The following ZNF17 variants were observed in gnomAD, a reference collection of about 807,000 sequenced individuals.
ZNF17 encodes zinc finger protein 17, also known as zinc finger protein 17 (HPF3, KOX 10).
In ZNF17, 4 loss-of-function variants were observed where a neutral mutation model predicts 7.7. The observed-to-expected ratio is 0.52, with a 90% CI of 0.26 to 1.20. The LOEUF (loss-of-function observed/expected upper bound fraction) is 1.20, where lower values mean the gene tolerates loss of function less well. Among genes scored for constraint, ZNF17 ranks in the 50% most tolerant of loss-of-function variants. The pLI is 0.14. For missense variants in ZNF17, 738 were observed against 799.5 expected (o/e 0.92, Z 0.93); for synonymous variants, 249 against 258.8 (o/e 0.96, Z 0.36).
intron 1 of ZNF17, among the ~76,000 whole-genome samples, chr19:57,412,680 A>G (rs1386086602): frequency 1.3e-5 from 2 of 151,956 alleles, no homozygotes; most frequent in Non-Finnish European, 2.9e-5. Context: ...TCCTGACCTC[A>G]TGATCTGCAC....
At chr19:57,413,715 G>A (rs1555782762) in intron 2 of ZNF17, 79 bp downstream of exon 2, 3 of 1,497,690 alleles carry the variant, frequency 2.0e-6, no homozygotes, top group Non-Finnish European at 1.8e-6. Flanking sequence ...GTTATCCTGA[G>A]ACTGTTCACC....
chr19:57,420,494 A>T lies in ZNF17; in HGVS notation c.1008A>T (p.Glu336Asp), dbSNP rs1471169908. The change falls in exon 4 of 4, where the codon GAA (glutamate) becomes GAT (aspartate). Residue 336 changes from glutamate to aspartate, a missense_variant. This residue lies in a region of ZNF17 where 616 missense variants were observed against 663.9 expected (regional missense o/e 0.93). Coordinates refer to ENST00000307658, the MANE Select transcript of ZNF17 (RefSeq NM_001330617.2). ...GAGAACGGCCTTATGGATGCAATGA[A>T]TGTGGGAAATACTTTATGTACAGTT... ...HTGERPYGCN[E>D]CGKYFMYSSA... 6.2e-7 allele frequency: 1 copy of T among 1,614,202 alleles called. No individual in the cohort carries two copies. The highest frequency in any genetic ancestry group is 2.2e-5 in the East Asian group (1 of 44,880).
Position 57,421,543 on chromosome 19 carries a change from C to T in ZNF17, c.*62C>T. On this transcript the variant is annotated 3_prime_UTR_variant, in exon 4 of 4. Transcript: ENST00000307658. ...CACAGAAATCTACTCTGATTTAGCA[C>T]TGGGACCTACGTTTTAAAAAAAGTA... 1 of 1,504,604 alleles carries T rather than the reference C, an allele frequency of 6.6e-7. No individual in the cohort carries two copies. Among genetic ancestry groups the T allele is most frequent in the African/African-American group, 1.4e-5 (1 of 71,480 alleles). 93.2% of individuals were successfully genotyped at this position (1,504,604 alleles called of 1,614,324 possible).
In ZNF17 at chr19:57,421,409, G is replaced by A; in HGVS notation, c.1923G>A (p.Gln641=). 1 of 1,614,042 alleles carries A rather than the reference G, an allele frequency of 6.2e-7. No homozygotes were observed. Among genetic ancestry groups the A allele is most frequent in the African/African-American group, 1.3e-5 (1 of 75,006 alleles). Residue 641 remains glutamine (Q), a synonymous_variant, in exon 4 of 4, where the codon CAG becomes CAA. Transcript: ENST00000307658. ...TTCACACTGGAGAGAGACCTTATCA[G>A]TGCAGTGAATGTGGAAGAGTCTTTA... The part of the protein sequence containing the change: ...RRIHTGERPY[Q]CSECGRVFNQ...
Position 57,420,912 on chromosome 19 carries a change from G to C in ZNF17, c.1426G>C (p.Glu476Gln), listed in dbSNP as rs767572846. The C allele has an allele frequency of 6.2e-7, 1 of 1,614,138 alleles. No homozygotes were observed. Among genetic ancestry groups the C allele is most frequent in the East Asian group, 2.2e-5 (1 of 44,878 alleles). The change falls in exon 4 of 4, where the codon GAA (glutamate) becomes CAA (glutamine). Residue 476 changes from glutamate (E) to glutamine (Q), a missense_variant. Physicochemically the swap from Glu to Gln is conservative, Grantham distance 29 (BLOSUM62 2). Transcript: ENST00000307658. The stretch of plus-strand genomic sequence containing the variant: ...TGGAGAGAGGCCTTATGAATGCAGT[G>C]AATGTGGCAAATTCTTTGTGGACAG... ...HSGERPYECS[E>Q]CGKFFVDSCT...
intron 2 of ZNF17, 89 bp downstream of exon 2, chr19:57,413,725 C>G (rs2088793426): frequency 6.8e-7 from 1 of 1,465,456 alleles, no homozygotes; most frequent in East Asian, 2.5e-5. Context: ...GACTGTTCAC[C>G]TTTTCTTCTC....
Position 57,419,920 on chromosome 19 carries a change from C to T in ZNF17, c.434C>T (p.Ala145Val). 1 of 1,614,170 alleles carries T rather than the reference C, an allele frequency of 6.2e-7. No individual in the cohort carries two copies. Among genetic ancestry groups the T allele is most frequent in the Non-Finnish European group, 8.5e-7 (1 of 1,180,032 alleles). ...TTTGTGAATGACAGTGTTCACCTGG[C>T]AAAGAGGAACCTCACATGCATGCAG... is the stretch of plus-strand genomic sequence containing the variant. ...PSFVNDSVHL[A>V]KRNLTCMQGG... is the part of the protein sequence containing the mutation. The change falls in exon 4 of 4, where the codon GCA becomes GTA. Residue 145 changes from alanine to valine, a missense_variant. This residue lies in a region of ZNF17 where 616 missense variants were observed against 663.9 expected (regional missense o/e 0.93). Transcript: ENST00000307658.
chr19:57,411,794 C>A (rs980772058), intron 1 of ZNF17: 15 of 576,108 alleles, frequency 2.6e-5, no homozygotes, highest in Non-Finnish European at 3.5e-5. Context: ...GCTGAGGAGA[C>A]CCCTTGAGTT....
Position 57,420,400 on chromosome 19 carries a change from T to C in ZNF17, c.914T>C (p.Val305Ala). The stretch of plus-strand genomic sequence containing the variant: ...ATTCACACCAGGCCAAGGCCTTATG[T>C]GTGTAGTGAATGTGGGAAGGCCTTC... Reference protein sequence around the residue: ...QRIHTRPRPYVCSECGKAFLT... With the variant: ...QRIHTRPRPYACSECGKAFLT... The change falls in exon 4 of 4, where the codon GTG becomes GCG. Residue 305 changes from valine to alanine, a missense_variant. By Grantham distance (64) the Val-to-Ala change is moderately conservative (BLOSUM62 0). Around this residue, in one of 3 missense-constraint regions of ZNF17, gnomAD observed 616 missense variants for 663.9 expected, o/e 0.93. Transcript: ENST00000307658. 1 of 1,613,866 alleles carries C rather than the reference T, an allele frequency of 6.2e-7. No homozygotes were observed. The highest frequency in any genetic ancestry group is 8.5e-7 in the Non-Finnish European group (1 of 1,179,958).
intron 2 of ZNF17, among the ~76,000 whole-genome samples, chr19:57,415,215 G>T (rs1214069268): frequency 6.6e-6 from 1 of 152,152 alleles, no homozygotes; most frequent in Admixed American, 6.5e-5. Flanking sequence ...CACATTTTTT[G>T]ATGTACAGAG....
At chr19:57,417,664 T>G (rs2088819536) in intron 2 of ZNF17, among the ~76,000 whole-genome samples, 1 of 151,878 alleles carries the variant, frequency 6.6e-6, no homozygotes, top group East Asian at 1.9e-4. Flanking sequence ...CTGAACAACA[T>G]GGTGAAACCC....
Position 57,419,791 on chromosome 19 carries a change from C to T in ZNF17, c.305C>T (p.Ala102Val), listed in dbSNP as rs1360572162. 6.2e-7 allele frequency: 1 copy of T among 1,614,168 alleles called. No individual in the cohort carries two copies. The highest frequency in any genetic ancestry group is 1.1e-5 in the South Asian group (1 of 91,076). Residue 102 changes from alanine to valine, a missense_variant, in exon 4 of 4, where the codon GCT becomes GTT. By Grantham distance (64) the Ala-to-Val change is moderately conservative. Coordinates refer to ENST00000307658, the MANE Select transcript of ZNF17 (RefSeq NM_001330617.2). ...CTTCTGAAGGACATTCTACACCTGG[C>T]TGAGCATGACGGAACACACCCCAAG... is the stretch of plus-strand genomic sequence containing the variant. ...SSLLKDILHL[A>V]EHDGTHPKRT...
rs1156535448 is a variant in ZNF17 at position 57,420,352 on chromosome 19, C to T, written c.866C>T (p.Ser289Phe). 6.2e-7 allele frequency: 1 copy of T among 1,613,932 alleles called. No homozygotes were observed. Among genetic ancestry groups the T allele is most frequent in the Admixed American group, 1.7e-5 (1 of 60,006 alleles). Residue 289 changes from serine to phenylalanine, a missense_variant, in exon 4 of 4, where the codon TCT (serine) becomes TTT (phenylalanine). Ser to Phe is a radical substitution (Grantham distance 155, BLOSUM62 -2). Transcript: ENST00000307658. ...TGTGGGAAAGCTTTTCTTAGAAAGT[C>T]TCACCTACTTCAGCACCAGAGGATT... ...SECGKAFLRKSHLLQHQRIHT... is the reference protein window; with the variant it reads ...SECGKAFLRKFHLLQHQRIHT...
chr19:57,418,790 C>T (rs2088827603), intron 3 of ZNF17, among the ~76,000 whole-genome samples: 3 of 152,294 alleles, frequency 2.0e-5, no homozygotes, highest in Admixed American at 1.3e-4. Context: ...CTCTTTTCTT[C>T]CCTATTGTGA....
chr19:57,411,737 C>T (rs1377317962), intron 1 of ZNF17: 3 of 1,129,014 alleles, frequency 2.7e-6, no homozygotes, highest in Non-Finnish European at 3.3e-6. Context: ...CAGAGGTAGA[C>T]GTTTAAAGTT....
intron 1 of ZNF17, 50 bp from the exon 2 acceptor site, chr19:57,413,546 T>C: frequency 6.5e-7 from 1 of 1,532,480 alleles, no homozygotes; most frequent in South Asian, 1.2e-5. Context: ...AGTCAGCCTG[T>C]AGGATGCTGC....
chr19:57,418,186 G>A (rs1316862296), intron 3 of ZNF17, 148 bp downstream of exon 3: 4 of 1,087,072 alleles, frequency 3.7e-6, no homozygotes, highest in Non-Finnish European at 5.3e-6. Context: ...CAGCTGGGCT[G>A]TGTGATCTGT....
At position 57,421,045 on chromosome 19, in the gene ZNF17, G is replaced by T. The variant is rs1568539605; in HGVS notation, c.1559G>T (p.Arg520Ile). The T allele has an allele frequency of 3.1e-6, 5 of 1,613,734 alleles. No individual in the cohort carries two copies. Among genetic ancestry groups the T allele is most frequent in the Non-Finnish European group, 3.4e-6 (4 of 1,179,912 alleles). ...RCRSTLDTHQ[R>I]IHTGERPYEC... ...CGCTCCACACTTGATACACATCAGA[G>T]AATTCACACTGGTGAAAGGCCTTAT... is the stretch of plus-strand genomic sequence containing the variant. The change falls in exon 4 of 4, where the codon AGA becomes ATA. Residue 520 changes from arginine to isoleucine, a missense_variant. By Grantham distance (97) the Arg-to-Ile change is moderately conservative. Transcript: ENST00000307658.
In ZNF17 at chr19:57,421,372, A is replaced by G; in HGVS notation, c.1886A>G (p.Lys629Arg). ...TTTAGATACAACTCCAGCCTCATTA[A>G]ACATCGGAGAATTCACACTGGAGAG... ...KVFRYNSSLI[K>R]HRRIHTGERP... The change falls in exon 4 of 4, where the codon AAA becomes AGA. Residue 629 changes from lysine (K) to arginine (R), a missense_variant. By Grantham distance (26) the Lys-to-Arg change is conservative. This residue lies in a region of ZNF17 where 116 missense variants were observed against 114.0 expected (regional missense o/e 1.02). Coordinates refer to ENST00000307658, the MANE Select transcript of ZNF17 (RefSeq NM_001330617.2). 6.2e-7 allele frequency: 1 copy of G among 1,613,786 alleles called. No homozygotes were observed. The highest frequency in any genetic ancestry group is 1.1e-5 in the South Asian group (1 of 91,044).
Sources: gnomAD v4.1 joint callset for allele counts (sites outside exome capture counted in the v4.1 genomes callset) on GRCh38, gnomAD v4.1.1 for gene constraint, gnomAD v4.1.1 regional missense constraint, MANE v1.5 for transcripts, NCBI Gene and HGNC (gene_info 2026-07-23, HGNC 2026-07-21) for gene names.